Variants in ROBO2 observed in about 807,000 individuals in gnomAD.
The protein encoded by ROBO2 is roundabout homolog 2.
ROBO2 carries 53 observed loss-of-function variants against 160.8 expected under a neutral mutation model. The ratio of observed to expected loss-of-function variants is 0.33; its 90% CI spans 0.26 to 0.41. The LOEUF (loss-of-function observed/expected upper bound fraction) is 0.41, where lower values mean the gene tolerates loss of function less well. Among genes scored for constraint, ROBO2 ranks in the 10% least tolerant of loss-of-function variants. The probability of loss-of-function intolerance (pLI) is 1.00; values close to 1 mark genes in which losing one functional copy is unlikely to be tolerated. For synonymous variants in ROBO2, 664 were observed against 611.7 expected (o/e 1.09, Z -1.26); for missense variants, 1,577 against 1,722.4 (o/e 0.92, Z 1.49).
intron 5 of ROBO2, among the ~76,000 whole-genome samples, chr3:77,514,872 A>G (rs1471435982): frequency 6.6e-6 from 1 of 151,726 alleles, no homozygotes; most frequent in African/African-American, 2.4e-5. Flanking sequence ...GAAACCTATT[A>G]GTTTTAGGGA....
chr3:76,233,220 C>T (rs565506541), intron 2 of ROBO2, among the ~76,000 whole-genome samples: 20 of 152,236 alleles, frequency 1.3e-4, no homozygotes, highest in South Asian at 6.2e-4. Context: ...TCTCAACTCA[C>T]TGCAAATTAT....
At chr3:77,368,628 G>C (rs1242732107) in intron 2 of ROBO2, among the ~76,000 whole-genome samples, 1 of 152,116 alleles carries the variant, frequency 6.6e-6, no homozygotes, top group African/African-American at 2.4e-5. Flanking sequence ...GCCCACTTCA[G>C]GTGCAAACAC....
At chr3:76,722,901 G>T (rs1034412657) in intron 2 of ROBO2, among the ~76,000 whole-genome samples, 3 of 152,160 alleles carry the variant, frequency 2.0e-5, no homozygotes, top group African/African-American at 7.2e-5. Flanking sequence ...AAGCTGCTAT[G>T]AACATTAGAC....
At chr3:76,834,627 A>T (rs1038060846) in intron 2 of ROBO2, among the ~76,000 whole-genome samples, 2 of 152,014 alleles carry the variant, frequency 1.3e-5, no homozygotes, top group Non-Finnish European at 2.9e-5. Context: ...CCACCTCCCA[A>T]AGTACTGGAA....
At chr3:76,482,568 G>A (rs2079270448) in intron 2 of ROBO2, among the ~76,000 whole-genome samples, 1 of 152,064 alleles carries the variant, frequency 6.6e-6, no homozygotes, top group Non-Finnish European at 1.5e-5. Flanking sequence ...TTAGGTAACT[G>A]ACTAATTTAA....
At chr3:76,426,481 G>A (rs1178000709) in intron 2 of ROBO2, among the ~76,000 whole-genome samples, 3 of 152,048 alleles carry the variant, frequency 2.0e-5, no homozygotes, top group Non-Finnish European at 2.9e-5. Context: ...TGGTAAGGAA[G>A]GCATGACCAC....
intron 2 of ROBO2, among the ~76,000 whole-genome samples, chr3:76,877,538 TAGTATGAAGTA>T (rs2072877229): frequency 6.6e-6 from 1 of 152,180 alleles, no homozygotes; most frequent in Non-Finnish European, 1.5e-5. Context: ...TTTTTACTTC[TAGTATGAAGTA>T]AATGATGACA....
chr3:77,162,522 T>C (rs1343220505), intron 2 of ROBO2, among the ~76,000 whole-genome samples: 2 of 152,124 alleles, frequency 1.3e-5, no homozygotes, highest in Non-Finnish European at 2.9e-5. Context: ...AGAAATACCA[T>C]TTTATGGATG....
intron 2 of ROBO2, among the ~76,000 whole-genome samples, chr3:77,465,165 T>C (rs1313292127): frequency 6.6e-6 from 1 of 152,104 alleles, no homozygotes; most frequent in Non-Finnish European, 1.5e-5. Flanking sequence ...GTTAATATGG[T>C]GCATGAAAAA....
intron 2 of ROBO2, among the ~76,000 whole-genome samples, chr3:76,945,576 G>A (rs2078480644): frequency 6.6e-6 from 1 of 152,206 alleles, no homozygotes; most frequent in African/African-American, 2.4e-5. Flanking sequence ...AGGTGTATCA[G>A]GGTGTATCAG....
intron 2 of ROBO2, among the ~76,000 whole-genome samples, chr3:76,712,865 G>T (rs2093321789): frequency 1.3e-5 from 2 of 151,754 alleles, no homozygotes; most frequent in Admixed American, 1.3e-4. Flanking sequence ...AATTTTTAAA[G>T]TAACTTTTTC....
chr3:75,937,539 G>T (rs1248777820), exon 2 of ROBO2: 2 of 1,578,074 alleles, frequency 1.3e-6, no homozygotes, highest in Non-Finnish European at 1.7e-6. Context: ...GTGGACATGG[G>T]CTCCGGGACT....
intron 2 of ROBO2, among the ~76,000 whole-genome samples, chr3:76,514,450 T>C (rs1481947678): frequency 1.3e-5 from 2 of 152,198 alleles, no homozygotes; most frequent in Admixed American, 1.3e-4. Flanking sequence ...AAAATCACAG[T>C]AACTGTGGTT....
At chr3:76,507,188 A>G (rs943395699) in intron 2 of ROBO2, among the ~76,000 whole-genome samples, 3 of 152,114 alleles carry the variant, frequency 2.0e-5, no homozygotes, top group Non-Finnish European at 2.9e-5. Flanking sequence ...TAAATATTTT[A>G]TATCAAAAGA....
At chr3:77,546,316 T>C (rs1435364667) in intron 6 of ROBO2, 22 bp from the exon 8 acceptor site, 4 of 1,612,234 alleles carry the variant, frequency 2.5e-6, no homozygotes, top group African/African-American at 2.7e-5. Flanking sequence ...ATTTACACGC[T>C]TTCTTTTCTT....
At chr3:77,037,108 A>G (rs555084167), upstream of ROBO2, among the ~76,000 whole-genome samples, 52 of 152,262 alleles carry the variant, frequency 3.4e-4, 1 homozygote, top group Middle Eastern at 3.4e-3. Context: ...GTCCATAACA[A>G]ATTTCTGTCT....
chr3:77,324,770 A>T (rs972922462), intron 2 of ROBO2, among the ~76,000 whole-genome samples: 1 of 141,402 alleles, frequency 7.1e-6, no homozygotes, highest in African/African-American at 2.7e-5. Flanking sequence ...CGACAGAGAG[A>T]GACTCCGTCT....
chr3:76,188,367 A>C (rs532348463), intron 2 of ROBO2, among the ~76,000 whole-genome samples: 1 of 152,232 alleles, frequency 6.6e-6, no homozygotes, highest in African/African-American at 2.4e-5. Flanking sequence ...GATGATGTAA[A>C]GACTTACACA....
chr3:77,053,571 C>G lies in ROBO2; in HGVS notation c.61+12725C>G, dbSNP rs181889280. Among the ~76,000 whole-genome samples, 704 of 152,190 alleles carry G rather than the reference C, an allele frequency of 4.6e-3. 4 individuals are homozygous for G. The highest frequency in any genetic ancestry group is 0.016 in the African/African-American group (663 of 41,520). ...GATTTGGTGGGTGATGTCTCAAGATCAGCTTTAAGTGAGGTCTGATTTAAC... is the reference window on the plus strand; with the variant it reads ...GATTTGGTGGGTGATGTCTCAAGATGAGCTTTAAGTGAGGTCTGATTTAAC... On this transcript the variant is annotated intron_variant, in intron 1 of 25. Coordinates refer to ENST00000461745, the Ensembl canonical transcript of ROBO2.
Sources: allele counts gnomAD v4.1 joint callset (sites outside exome capture counted in the v4.1 genomes callset), GRCh38; gene constraint gnomAD v4.1.1; transcripts MANE v1.5; gene names NCBI Gene and HGNC (gene_info 2026-07-23, HGNC 2026-07-21).